The following APAF1 variants were observed in gnomAD, a reference collection of about 807,000 sequenced individuals.
APAF1 encodes the protein apoptotic protease-activating factor 1.
Under a neutral mutation model 152.4 loss-of-function variants are expected in APAF1, and 91 were observed. The ratio of observed to expected loss-of-function variants is 0.60; its 90% CI spans 0.50 to 0.71. APAF1 has a LOEUF of 0.71. Ranked by LOEUF, APAF1 falls within the 30% of genes least tolerant of loss-of-function variation. The pLI is 0.00. For missense variants in APAF1, 1,283 were observed against 1,472.0 expected (o/e 0.87, Z 2.10); for synonymous variants, 484 against 494.1 (o/e 0.98, Z 0.27).
rs140245163 is a variant in APAF1 at position 98,702,680 on chromosome 12, C to G, written c.2467-691C>G. Reference sequence around the variant, plus strand: ...TCTCTACTAAAAATAAAAAAATTAGCTGGGCGTGGTGGTGCATGCCTATAA... The same window carrying G: ...TCTCTACTAAAAATAAAAAAATTAGGTGGGCGTGGTGGTGCATGCCTATAA... On this transcript the variant is annotated intron_variant, in intron 17 of 26. Transcript: ENST00000551964. 4.4e-3 allele frequency among the ~76,000 whole-genome samples: 661 copies of G among 151,884 alleles called. 3 individuals carry two copies. Among genetic ancestry groups the G allele is most frequent in the East Asian group, 0.021 (108 of 5,118 alleles).
At chr12:98,648,145 T>C (rs2097644259) in intron 1 of APAF1, among the ~76,000 whole-genome samples, 174 bp from the exon 2 acceptor site, 2 of 152,208 alleles carry the variant, frequency 1.3e-5, no homozygotes, top group African/African-American at 4.8e-5. Context: ...AATTAGTGCA[T>C]AAGAATGGCC....
chr12:98,686,426 G>A (rs947597221), intron 15 of APAF1, among the ~76,000 whole-genome samples: 8 of 152,106 alleles, frequency 5.3e-5, no homozygotes, highest in African/African-American at 1.9e-4. Flanking sequence ...GTGGCTTTTT[G>A]TAACTGAGTA....
intron 17 of APAF1, among the ~76,000 whole-genome samples, chr12:98,700,647 A>T (rs1307904705): frequency 6.6e-6 from 1 of 152,236 alleles, no homozygotes; most frequent in Admixed American, 6.5e-5. Flanking sequence ...CATTTTAACC[A>T]TCTAAAAATG....
rs769012939 is a variant in APAF1, at chr12:98,665,592, G to A, written c.995G>A (p.Arg332His). 3 of 1,612,944 alleles carry A rather than the reference G, an allele frequency of 1.9e-6. No homozygotes were observed. Among genetic ancestry groups the A allele is most frequent in the Non-Finnish European group, 2.5e-6 (3 of 1,179,706 alleles). ...GTATCTTTAATTGGTGCACTTTTAC[G>A]TGATTTTCCCAATCGCTGGGAGTAC... Reference protein sequence around the residue: ...LVVSLIGALLRDFPNRWEYYL... With the variant: ...LVVSLIGALLHDFPNRWEYYL... Residue 332 changes from arginine (R) to histidine (H), a missense_variant, in exon 8 of 27, where the codon CGT becomes CAT. Transcript: ENST00000551964.
intron 7 of APAF1, 23 bp from the exon 8 acceptor site, chr12:98,665,530 G>A: frequency 6.6e-7 from 1 of 1,513,950 alleles, no homozygotes; most frequent in Non-Finnish European, 9.2e-7. Context: ...TATTAGCATA[G>A]TGACTTCATT....
rs143097832 is a variant in APAF1, at chr12:98,699,524, T to G, written c.2421T>G (p.Ser807=). The part of the protein sequence containing the change: ...MEVIVKCCSW[S]ADGARIMVAA... ...TGATAGTGAAGTGTTGTTCGTGGTC[T>G]GCTGATGGTGCAAGGATAATGGTGG... The change falls in exon 17 of 27, where the codon TCT becomes TCG. Residue 807 remains serine, a synonymous_variant. Coordinates refer to ENST00000551964, the MANE Select transcript of APAF1 (RefSeq NM_181861.2). 553 of 1,614,222 alleles carry G rather than the reference T, an allele frequency of 3.4e-4. 1 individual carries two copies. The African/African-American group carries it at 6.7e-3, about 20-fold the overall frequency.
chr12:98,732,414 G>T lies in APAF1; in HGVS notation c.3601-6G>T, dbSNP rs765395529. 1.2e-6 allele frequency: 2 copies of T among 1,612,734 alleles called. No homozygotes were observed. The highest frequency in any genetic ancestry group is 2.2e-5 in the South Asian group (2 of 91,052). ...TCTAATGAGAATTTTATTTTTCTCT[G>T]AACAGTGGTGGAACGTTGTCACTGG... On this transcript the variant is annotated splice_polypyrimidine_tract_variant and splice_region_variant and intron_variant, in intron 26 of 26. Transcript: ENST00000551964.
At chr12:98,728,174 C>T (rs2097754020) in intron 26 of APAF1, among the ~76,000 whole-genome samples, 1 of 152,052 alleles carries the variant, frequency 6.6e-6, no homozygotes, top group South Asian at 2.1e-4. Flanking sequence ...ATTAGAATGA[C>T]TAGCAAGTTG....
chr12:98,648,990 C>T (rs2097645730), intron 3 of APAF1, 175 bp downstream of exon 3: 3 of 782,240 alleles, frequency 3.8e-6, no homozygotes, highest in Admixed American at 2.2e-5. Flanking sequence ...CATTAACTCT[C>T]AACTTTTCTT....
At chr12:98,658,173 C>A (rs926135206) in intron 4 of APAF1, among the ~76,000 whole-genome samples, 1 of 151,860 alleles carries the variant, frequency 6.6e-6, no homozygotes, top group South Asian at 2.1e-4. Context: ...ACATAGGGAC[C>A]CCTCTTTTTT....
intron 7 of APAF1, 72 bp downstream of exon 7, chr12:98,662,878 T>C (rs1281012859): frequency 1.4e-6 from 2 of 1,457,972 alleles, no homozygotes; most frequent in South Asian, 1.2e-5. Context: ...ATTGAGCTAA[T>C]GAATATGGTA....
intron 20 of APAF1, 42 bp from the exon 21 acceptor site, chr12:98,712,277 C>T (rs1329527424): frequency 2.7e-6 from 3 of 1,121,728 alleles, no homozygotes; most frequent in Admixed American, 1.7e-5. Flanking sequence ...ACAAAAACTG[C>T]TCTTACAGCC....
chr12:98,710,645 A>AC (rs1246713939), intron 20 of APAF1, among the ~76,000 whole-genome samples: 1 of 152,114 alleles, frequency 6.6e-6, no homozygotes, highest in African/African-American at 2.4e-5. Context: ...GCTGGTCTTG[A>AC]ACTCCTGGCC....
chr12:98,683,427 T>A (rs1314054131), intron 15 of APAF1, among the ~76,000 whole-genome samples, 153 bp downstream of exon 15: 1 of 152,172 alleles, frequency 6.6e-6, no homozygotes, highest in Non-Finnish European at 1.5e-5. Context: ...AAAAATAGCT[T>A]AAAAATATTT....
At chr12:98,703,126 T>C (rs547515484) in intron 17 of APAF1, among the ~76,000 whole-genome samples, 1 of 152,322 alleles carries the variant, frequency 6.6e-6, no homozygotes, top group African/African-American at 2.4e-5. Flanking sequence ...TTTATTTCTC[T>C]TTAGGCTAGC....
chr12:98,665,704 T>C lies in APAF1; in HGVS notation c.1107T>C (p.Ser369=). The C allele has an allele frequency of 2.5e-6, 4 of 1,614,090 alleles. No homozygotes were observed. The Admixed American group carries it at 5.0e-5, about 20-fold the overall frequency. ...ATGAGGCTCTAGATGAAGCCATGTC[T>C]ATAAGTGTTGAAATGCTCAGAGAAG... ...YDYEALDEAM[S]ISVEMLREDI... Residue 369 remains serine (S), a synonymous_variant, in exon 8 of 27, where the codon TCT becomes TCC. Transcript: ENST00000551964.
At chr12:98,679,148 A>G (rs2097689683) in intron 13 of APAF1, among the ~76,000 whole-genome samples, 2 of 152,152 alleles carry the variant, frequency 1.3e-5, no homozygotes, top group Admixed American at 1.3e-4. Flanking sequence ...GTTGGCATGT[A>G]CTTCCTCCCT....
At chr12:98,667,765 ATTTTTT>A (rs71305589) in intron 10 of APAF1, 121 bp downstream of exon 10, 154 of 322,300 alleles carry the variant, frequency 4.8e-4, no homozygotes, top group East Asian at 3.3e-3. Context: ...TTTCCATTTG[ATTTTTT>A]TTTTTTTTTT....
In APAF1 at chr12:98,721,589, A is replaced by G. The variant is rs562424947; in HGVS notation, c.3085-1604A>G. ...CCATTTCTTCCCCTTCCCCCAGCAT[A>G]TCTCATTGGGTTCTTAAAATATGAA... On this transcript the variant is annotated intron_variant, in intron 22 of 26. Transcript: ENST00000551964. Among the ~76,000 whole-genome samples, 31 of 152,244 alleles carry G rather than the reference A, an allele frequency of 2.0e-4. 1 individual carries two copies. In the South Asian group the frequency reaches 6.4e-3, roughly 32 times the overall value.
Sources: allele counts gnomAD v4.1 joint callset (sites outside exome capture counted in the v4.1 genomes callset), GRCh38; gene constraint gnomAD v4.1.1; transcripts MANE v1.5; gene names NCBI Gene and HGNC (gene_info 2026-07-23, HGNC 2026-07-21).